The following PCNT variants were observed in gnomAD, a reference collection of about 807,000 sequenced individuals.
PCNT encodes the protein kendrin.
Under a neutral mutation model 380.4 loss-of-function variants are expected in PCNT, and 319 were observed. The observed-to-expected ratio is 0.84, with a 90% CI of 0.77 to 0.92. PCNT has a LOEUF of 0.92. PCNT is among the 40% of genes least tolerant of loss of function. PCNT has a pLI of 0.00. For synonymous variants in PCNT, 1,845 were observed against 1,735.2 expected, an observed-to-expected ratio of 1.06 and a Z score of -1.57; for missense variants, 4,400 against 4,255.3, an observed-to-expected ratio of 1.03 and a Z score of -0.95.
chr21:46,430,031 T>TA lies in PCNT; in HGVS notation c.7713dup (p.Glu2572ArgfsTer9). On this transcript the variant is annotated frameshift_variant, in exon 36 of 47. Coordinates refer to ENST00000359568, the MANE Select transcript of PCNT (RefSeq NM_006031.6). LOFTEE classifies it high-confidence loss of function. The stretch of plus-strand genomic sequence containing the variant: ...TCAGTTGAACTGCTGGCTTATAAAG[T>TA]AGAGCAGGAGAAGTGCATTGCTGGT... 6.2e-7 allele frequency: 1 copy of TA among 1,614,160 alleles called. No homozygotes were observed. The highest frequency in any genetic ancestry group is 8.5e-7 in the Non-Finnish European group (1 of 1,179,994).
intron 31 of PCNT, among the ~76,000 whole-genome samples, chr21:46,421,367 T>C (rs1399350580): frequency 6.6e-6 from 1 of 152,326 alleles, no homozygotes; most frequent in Admixed American, 6.5e-5. Flanking sequence ...CTCGTGTCCC[T>C]TACACGATCC....
chr21:46,394,613 G>C, intron 21 of PCNT: 1 of 612,330 alleles, frequency 1.6e-6, no homozygotes, highest in Non-Finnish European at 2.0e-6. Flanking sequence ...ATTTACTAAA[G>C]AAAAGTACTT....
chr21:46,366,114 C>T (rs556749148), intron 14 of PCNT, among the ~76,000 whole-genome samples: 15 of 152,248 alleles, frequency 9.9e-5, no homozygotes, highest in Middle Eastern at 6.8e-3. Context: ...CCATGGGGTT[C>T]AATTCACTGC....
At chr21:46,366,080 C>T (rs982324409) in intron 14 of PCNT, among the ~76,000 whole-genome samples, 2 of 151,072 alleles carry the variant, frequency 1.3e-5, no homozygotes, top group Non-Finnish European at 3.0e-5. Context: ...CTATTCACTG[C>T]CATGAGGTTC....
chr21:46,348,427 G>C (rs1490020998), intron 6 of PCNT: 1 of 172,124 alleles, frequency 5.8e-6, no homozygotes, highest in Non-Finnish European at 1.2e-5. Context: ...CCTGTGCAGA[G>C]GCTGGTCTGT....
At chr21:46,444,360 C>G (rs995107725) in intron 45 of PCNT, among the ~76,000 whole-genome samples, 2 of 152,094 alleles carry the variant, frequency 1.3e-5, no homozygotes, top group African/African-American at 4.8e-5. Flanking sequence ...CTGAGTGGGG[C>G]AGGTATCACC....
rs145103317 is a variant in PCNT at position 46,365,662 on chromosome 21, G to A, written c.2610-922G>A. Among the ~76,000 whole-genome samples the A allele has an allele frequency of 2.8e-3, 407 of 146,594 alleles. 4 individuals are homozygous for A. Among genetic ancestry groups the A allele is most frequent in the African/African-American group, 8.6e-3 (338 of 39,174 alleles). On this transcript the variant is annotated intron_variant, in intron 14 of 46. Coordinates refer to ENST00000359568, the MANE Select transcript of PCNT (RefSeq NM_006031.6). ...ATGGGGTTCTATTCACTGCCATGGGGGTTCTATTCATTCACTGCCATGGGG... is the reference window on the plus strand; with the variant it reads ...ATGGGGTTCTATTCACTGCCATGGGAGTTCTATTCATTCACTGCCATGGGG...
chr21:46,444,767 G>A lies in PCNT; in HGVS notation c.9913G>A (p.Glu3305Lys), dbSNP rs753742732. The A allele has an allele frequency of 1.2e-6, 2 of 1,612,926 alleles. No individual in the cohort carries two copies. The highest frequency in any genetic ancestry group is 3.3e-5 in the Admixed American group (2 of 59,980). The change falls in exon 46 of 47, where the codon GAG (glutamate) becomes AAG (lysine). Residue 3305 changes from glutamate to lysine, a missense_variant. Transcript: ENST00000359568. ...TCAAGATCCAGAACATTCCTTGACA[G>A]AGTATATTCACCATTTAGAAGTGAT... is the stretch of plus-strand genomic sequence containing the variant. Reference protein sequence around the residue: ...ASQDPEHSLTEYIHHLEVIQQ... With the variant: ...ASQDPEHSLTKYIHHLEVIQQ...
intron 3 of PCNT, among the ~76,000 whole-genome samples, chr21:46,336,013 C>CTTG (rs1462575547): frequency 1.3e-5 from 2 of 150,874 alleles, no homozygotes; most frequent in African/African-American, 4.9e-5. Context: ...GAGTTTTGCT[C>CTTG]TTGCCCAGGC....
chr21:46,394,444 T>C (rs1194439602), intron 21 of PCNT: 11 of 840,172 alleles, frequency 1.3e-5, no homozygotes, highest in Non-Finnish European at 1.6e-5. Flanking sequence ...GTTCTAGCTC[T>C]CACATTCTCA....
intron 15 of PCNT, among the ~76,000 whole-genome samples, chr21:46,368,986 C>T (rs2085026124): frequency 6.6e-6 from 1 of 152,228 alleles, no homozygotes; most frequent in Admixed American, 6.5e-5. Flanking sequence ...TGTTTGCTTT[C>T]CTTCAGCTCT....
intron 14 of PCNT, among the ~76,000 whole-genome samples, chr21:46,366,148 TC>T (rs1447207033): frequency 6.6e-6 from 1 of 152,192 alleles, no homozygotes; most frequent in Non-Finnish European, 1.5e-5. Context: ...GGCCTCGCCC[TC>T]CCCATGGGCC....
intron 2 of PCNT, among the ~76,000 whole-genome samples, chr21:46,330,545 A>T (rs2083525690): frequency 6.6e-6 from 1 of 152,246 alleles, no homozygotes; most frequent in Non-Finnish European, 1.5e-5. Flanking sequence ...TTATGTATAT[A>T]AAAACCATTG....
intron 3 of PCNT, among the ~76,000 whole-genome samples, chr21:46,342,527 A>ATTCT (rs936902449): frequency 6.7e-6 from 1 of 149,002 alleles, no homozygotes; most frequent in African/African-American, 2.5e-5. Context: ...TGTGTCATCA[A>ATTCT]TTCTTTCTTT....
At chr21:46,399,522 T>C (rs1475035369) in intron 24 of PCNT, 68 bp from the exon 25 acceptor site, 1 of 1,266,106 alleles carries the variant, frequency 7.9e-7, no homozygotes, top group Admixed American at 1.7e-5. Flanking sequence ...TTGGGTACTT[T>C]TTTGTTTGGA....
chr21:46,429,965 C>T (rs761521307), intron 35 of PCNT, 45 bp from the exon 36 acceptor site: 149 of 1,509,794 alleles, frequency 9.9e-5, no homozygotes, highest in Non-Finnish European at 1.3e-4. Flanking sequence ...TTGTGCAGCA[C>T]GAGGAGCTCA....
chr21:46,426,069 CTTTTTT>C lies in PCNT; in HGVS notation c.7320+120_7320+125del, dbSNP rs760416456. Reference sequence around the variant, plus strand: ...GCCACGTGGACACTAGGATTTCTTTCTTTTTTTTTTTTTTTTTTTTTTTTTTTGAGA... The same window carrying C: ...GCCACGTGGACACTAGGATTTCTTTCTTTTTTTTTTTTTTTTTTTTTGAGA... On this transcript the variant is annotated intron_variant, in intron 33 of 46. Coordinates refer to ENST00000359568, the MANE Select transcript of PCNT (RefSeq NM_006031.6). The C allele has an allele frequency of 1.8e-3, 541 of 308,976 alleles. 13 individuals carry two copies. Among genetic ancestry groups the C allele is most frequent in the Non-Finnish European group, 2.5e-3 (456 of 181,632 alleles). 19.1% of individuals were successfully genotyped at this position (308,976 alleles called of 1,614,324 possible). A position where few individuals can be genotyped will look rare whatever the true frequency, so the allele number is the denominator to read the frequency against.
intron 2 of PCNT, among the ~76,000 whole-genome samples, chr21:46,330,658 T>C (rs1429399538): frequency 1.3e-5 from 2 of 152,248 alleles, no homozygotes; most frequent in Admixed American, 1.3e-4. Flanking sequence ...TTATAAAATA[T>C]TTCATGATAT....
rs576085761 is a variant in PCNT, at chr21:46,432,129, A to G, written c.8665A>G (p.Lys2889Glu). ...ACGGTTGAAAGAGCAAGAAGGACGC[A>G]AGGCTGCGAGGAGGAGCGCGGAGGC... ...HPRLKEQEGR[K>E]AARRSAEARQ... The change falls in exon 38 of 47, where the codon AAG becomes GAG. Residue 2889 changes from lysine to glutamate, a missense_variant. By Grantham distance (56) the Lys-to-Glu change is moderately conservative. Transcript: ENST00000359568. 1 of 1,614,074 alleles carries G rather than the reference A, an allele frequency of 6.2e-7. No individual in the cohort carries two copies. Among genetic ancestry groups the G allele is most frequent in the African/African-American group, 1.3e-5 (1 of 75,066 alleles).
Sources: allele counts gnomAD v4.1 joint callset (sites outside exome capture counted in the v4.1 genomes callset), GRCh38; gene constraint gnomAD v4.1.1; transcripts MANE v1.5; gene names NCBI Gene and HGNC (gene_info 2026-07-23, HGNC 2026-07-21).